The following HDAC3 variants were observed in gnomAD, a reference collection of about 807,000 sequenced individuals.
The protein encoded by HDAC3 is histone deacetylase 3.
Under a neutral mutation model 62.3 loss-of-function variants are expected in HDAC3, and 21 were observed. That is an observed-to-expected ratio of 0.34 (90% CI 0.24 to 0.49). HDAC3 has a LOEUF of 0.49. Among genes scored for constraint, HDAC3 ranks in the 20% least tolerant of loss-of-function variants. The pLI, the probability that HDAC3 is intolerant of heterozygous loss-of-function variation, is 0.99. For synonymous variants in HDAC3, 198 were observed against 206.5 expected (o/e 0.96, Z 0.35); for missense variants, 270 against 556.9 (o/e 0.48, Z 5.19).
chr5:141,635,516 T>C (rs977457998), intron 2 of HDAC3, among the ~76,000 whole-genome samples: 4 of 152,258 alleles, frequency 2.6e-5, no homozygotes, highest in Non-Finnish European at 4.4e-5. Flanking sequence ...GTCTTTTCTA[T>C]GACCAGTCCA....
Position 141,634,864 on chromosome 5 carries a change from G to C in HDAC3, c.228C>G (p.Thr76=). Residue 76 remains threonine, a synonymous_variant, in exon 3 of 15, where the codon ACC becomes ACG. Coordinates refer to ENST00000305264, the MANE Select transcript of HDAC3 (RefSeq NM_003883.4). ...YIDFLQRVSP[T]NMQGFTKSLN... is the part of the protein sequence containing the mutation. ...GACTCTTGGTGAAGCCTTGCATATT[G>C]GTGGGGCTGACTCTCTGCAGGAAGT... 1 of 1,614,034 alleles carries C rather than the reference G, an allele frequency of 6.2e-7. No individual in the cohort carries two copies. The highest frequency in any genetic ancestry group is 8.5e-7 in the Non-Finnish European group (1 of 1,180,002).
At position 141,629,342 on chromosome 5, in the gene HDAC3, G is replaced by T. The variant is rs767289301; in HGVS notation, c.477-36C>A. On this transcript the variant is annotated intron_variant, in intron 6 of 14. Coordinates refer to ENST00000305264, the MANE Select transcript of HDAC3 (RefSeq NM_003883.4). The surrounding 1 kb of genome is among the most constrained non-coding windows in gnomAD (Gnocchi z 5.3). ...GCCAAAGCCAGGGTCTGAGCTAGAA[G>T]TGAACCCCCCAACCCACTCCTCTCA... The T allele has an allele frequency of 6.2e-7, 1 of 1,613,654 alleles. No homozygotes were observed. Among genetic ancestry groups the T allele is most frequent in the Non-Finnish European group, 8.5e-7 (1 of 1,179,888 alleles).
chr5:141,635,706 G>A (rs754383652), intron 2 of HDAC3, among the ~76,000 whole-genome samples: 3 of 152,260 alleles, frequency 2.0e-5, no homozygotes, highest in African/African-American at 4.8e-5. Context: ...CTGGGCCCAA[G>A]CCATCCTCTC....
In HDAC3 at chr5:141,629,343, T is replaced by C. The variant is rs1483261671; in HGVS notation, c.477-37A>G. Reference sequence around the variant, plus strand: ...CCAAAGCCAGGGTCTGAGCTAGAAGTGAACCCCCCAACCCACTCCTCTCAA... The same window carrying C: ...CCAAAGCCAGGGTCTGAGCTAGAAGCGAACCCCCCAACCCACTCCTCTCAA... On this transcript the variant is annotated intron_variant, in intron 6 of 14. Transcript: ENST00000305264. The surrounding 1 kb of genome is among the most constrained non-coding windows in gnomAD (Gnocchi z 5.3). 1 of 1,613,496 alleles carries C rather than the reference T, an allele frequency of 6.2e-7. No homozygotes were observed. Among genetic ancestry groups the C allele is most frequent in the East Asian group, 2.2e-5 (1 of 44,868 alleles).
At chr5:141,635,145 C>T in intron 2 of HDAC3, 192 bp from the exon 3 acceptor site, 1 of 537,516 alleles carries the variant, frequency 1.9e-6, no homozygotes, top group Non-Finnish European at 3.2e-6. Flanking sequence ...CCCTGAAGAC[C>T]ACTTCTTTTC....
chr5:141,626,370 GA>G lies in HDAC3; in HGVS notation c.831-88del. Reference sequence around the variant, plus strand: ...TAGGTATTGCCTGAAAGGAGCACAAGAAAACTATAAATGTTCTAAATCTTTA... The same window carrying G: ...TAGGTATTGCCTGAAAGGAGCACAAGAAACTATAAATGTTCTAAATCTTTA... On this transcript the variant is annotated intron_variant, in intron 10 of 14. Transcript: ENST00000305264. This position sits in a 1 kb window ranked among gnomAD's most constrained non-coding sequence, Gnocchi z 4.6. The G allele has an allele frequency of 1.1e-6, 1 of 905,996 alleles. No homozygotes were observed. Among genetic ancestry groups the G allele is most frequent in the Non-Finnish European group, 1.8e-6 (1 of 559,206 alleles). The allele number at this position is 905,996 out of a possible 1,614,324, so 56.1% of individuals were successfully genotyped here.
At position 141,628,008 on chromosome 5, in the gene HDAC3, C is replaced by T. The variant is rs749513334; in HGVS notation, c.766-51G>A. The T allele has an allele frequency of 1.2e-6, 2 of 1,606,594 alleles. No homozygotes were observed. The highest frequency in any genetic ancestry group is 1.1e-5 in the South Asian group (1 of 90,930). On this transcript the variant is annotated intron_variant, in intron 9 of 14. Coordinates refer to ENST00000305264, the MANE Select transcript of HDAC3 (RefSeq NM_003883.4). This position sits in a 1 kb window ranked among gnomAD's most constrained non-coding sequence, Gnocchi z 4.7. ...GTGCAGTGATCAGAACTGATCAGAA[C>T]ATCACAGATACCCCTTCCACCACCA...
chr5:141,628,196 G>T lies in HDAC3; in HGVS notation c.692-9C>A, dbSNP rs759848298. 2 of 1,613,832 alleles carry T rather than the reference G, an allele frequency of 1.2e-6. No individual in the cohort carries two copies. The highest frequency in any genetic ancestry group is 2.2e-5 in the South Asian group (2 of 91,066). On this transcript the variant is annotated splice_polypyrimidine_tract_variant and intron_variant, in intron 8 of 14. Coordinates refer to ENST00000305264, the MANE Select transcript of HDAC3 (RefSeq NM_003883.4). The surrounding 1 kb of genome is among the most constrained non-coding windows in gnomAD (Gnocchi z 4.7). ...GAAAAGGTGCTTGTAACCTGGGAGA[G>T]GGCCAAAGATGGGCACCTGGCACCC... is the stretch of plus-strand genomic sequence containing the variant.
chr5:141,631,546 T>C (rs1431877524), intron 3 of HDAC3, among the ~76,000 whole-genome samples: 1 of 152,218 alleles, frequency 6.6e-6, no homozygotes, highest in African/African-American at 2.4e-5. Context: ...AGGAAGCCAA[T>C]GTGATGGTGT....
At chr5:141,633,361 G>A (rs1021798107) in intron 3 of HDAC3, among the ~76,000 whole-genome samples, 2 of 152,140 alleles carry the variant, frequency 1.3e-5, no homozygotes, top group Admixed American at 1.3e-4. Context: ...TCCCATATTT[G>A]ATGACATTAA....
chr5:141,630,169 G>C (rs1201579587), intron 3 of HDAC3, 44 bp from the exon 4 acceptor site: 2 of 1,574,708 alleles, frequency 1.3e-6, no homozygotes, highest in African/African-American at 2.7e-5. Context: ...GCCTCTGTCT[G>C]GGCCCTTCCC....
chr5:141,624,372 C>CAA (rs58610895), intron 14 of HDAC3, among the ~76,000 whole-genome samples: 3,954 of 22,196 alleles, frequency 0.18, 1,170 homozygotes, highest in Non-Finnish European at 0.21. Flanking sequence ...CCGTCTCTAC[C>CAA]AAAAAAAAAA....
Position 141,625,809 on chromosome 5 carries a change from G to C in HDAC3, c.980-45C>G, listed in dbSNP as rs559477270. ...AGTATGGCTCAGACTGAGAAAGGCA[G>C]CTAACAAGACTTCCCAATCTTTTTC... On this transcript the variant is annotated intron_variant, in intron 12 of 14. Transcript: ENST00000305264. This position sits in a 1 kb window ranked among gnomAD's most constrained non-coding sequence, Gnocchi z 4.0. 7.7e-6 allele frequency: 12 copies of C among 1,559,690 alleles called. No individual in the cohort carries two copies. The East Asian group carries it at 2.5e-4, about 32-fold the overall frequency.
Position 141,626,131 on chromosome 5 carries a change from CAT to C in HDAC3, c.920+61_921-61del. The C allele has an allele frequency of 6.2e-7, 1 of 1,605,456 alleles. No homozygotes were observed. The highest frequency in any genetic ancestry group is 1.1e-5 in the South Asian group (1 of 90,884). ...AAGTGGGCTGAAGGACCCATGTGGC[CAT>C]ATCTGAGGGACACCCTAGCTCACAC... On this transcript the variant is annotated intron_variant, in intron 11 of 14. Coordinates refer to ENST00000305264, the MANE Select transcript of HDAC3 (RefSeq NM_003883.4). The surrounding 1 kb of genome is among the most constrained non-coding windows in gnomAD (Gnocchi z 4.6).
intron 3 of HDAC3, among the ~76,000 whole-genome samples, chr5:141,631,629 A>G (rs769176736): frequency 2.3e-4 from 35 of 152,254 alleles, no homozygotes; most frequent in Non-Finnish European, 3.7e-4. Flanking sequence ...ACGAAGAAAT[A>G]GCAATGAGAG....
At chr5:141,630,849 C>CTTT (rs1174933606) in intron 3 of HDAC3, among the ~76,000 whole-genome samples, 3 of 135,664 alleles carry the variant, frequency 2.2e-5, no homozygotes, top group Non-Finnish European at 3.2e-5. Flanking sequence ...ACCTTGATAC[C>CTTT]TTTTTTTTTT....
chr5:141,634,182 C>G (rs1359606991), intron 3 of HDAC3, among the ~76,000 whole-genome samples: 2 of 151,990 alleles, frequency 1.3e-5, no homozygotes, highest in South Asian at 4.1e-4. Context: ...TCTTAAGATC[C>G]CTTGCTTTTT....
Position 141,629,945 on chromosome 5 carries a change from C to T in HDAC3, c.364-29G>A, listed in dbSNP as rs771480361. 3 of 1,613,862 alleles carry T rather than the reference C, an allele frequency of 1.9e-6. No homozygotes were observed. The highest frequency in any genetic ancestry group is 2.2e-5 in the East Asian group (1 of 44,880). ...AAAGACAAACACCTAAGTCACAGTC[C>T]TTCCTGCCCACCCCTCAAGCTGGGA... On this transcript the variant is annotated intron_variant, in intron 4 of 14. Transcript: ENST00000305264. This position sits in a 1 kb window ranked among gnomAD's most constrained non-coding sequence, Gnocchi z 5.3.
At chr5:141,632,999 G>A (rs928665668) in intron 3 of HDAC3, among the ~76,000 whole-genome samples, 1 of 152,114 alleles carries the variant, frequency 6.6e-6, no homozygotes, top group Non-Finnish European at 1.5e-5. Context: ...ATGTGACTAC[G>A]GCTAAGTTAC....
Sources: allele counts gnomAD v4.1 joint callset (sites outside exome capture counted in the v4.1 genomes callset), GRCh38; gene constraint gnomAD v4.1.1; non-coding constraint Gnocchi (gnomAD v3.1); transcripts MANE v1.5; gene names NCBI Gene and HGNC (gene_info 2026-07-23, HGNC 2026-07-21).